The following EIF2S3 variants were observed in gnomAD, a reference collection of about 807,000 sequenced individuals.
The protein encoded by EIF2S3 is eukaryotic translation initiation factor 2 subunit 3.
A neutral mutation model predicts 31.7 loss-of-function variants in EIF2S3; 2 were observed. The observed-to-expected ratio is 0.06, with a 90% CI of 0.03 to 0.20. The LOEUF (loss-of-function observed/expected upper bound fraction) is 0.20, where lower values mean the gene tolerates loss of function less well. Ranked by LOEUF, EIF2S3 falls within the 10% of genes least tolerant of loss-of-function variation. EIF2S3 has a pLI of 1.00. For missense variants in EIF2S3, 96 were observed against 359.3 expected (o/e 0.27, Z 5.92); for synonymous variants, 120 against 126.7 (o/e 0.95, Z 0.36).
At chrX:24,057,082 G>A (rs1236846643) in intron 2 of EIF2S3, among the ~76,000 whole-genome samples, 1 of 112,427 alleles carries the variant, frequency 8.9e-6, no homozygotes, top group African/African-American at 3.2e-5. Context: ...CCAGGCTGGA[G>A]TGCAGTGGCA....
intron 4 of EIF2S3, among the ~76,000 whole-genome samples, chrX:24,058,536 C>CTTTTTTTTTTTTTT (rs1183377998): frequency 1.2e-5 from 1 of 83,079 alleles, no homozygotes; most frequent in Admixed American, 1.4e-4. Context: ...TTTTTTCTTT[C>CTTTTTTTTTTTTTT]TTTTTTTTTT....
intron 4 of EIF2S3, 142 bp from the exon 5 acceptor site, chrX:24,059,946 C>T: frequency 1.3e-5 from 6 of 448,655 alleles, no homozygotes; most frequent in Non-Finnish European, 2.3e-5. Context: ...AACTTATTTC[C>T]AAGTTCTAGA....
rs16982877 is a variant in EIF2S3, at chrX:24,063,482, C to T, written c.638-719C>T. Among the ~76,000 whole-genome samples the T allele has an allele frequency of 6.3e-3, 700 of 111,542 alleles. 7 individuals are homozygous for T. Among genetic ancestry groups the T allele is most frequent in the African/African-American group, 0.022 (671 of 30,750 alleles). On this transcript the variant is annotated intron_variant, in intron 6 of 11. Transcript: ENST00000253039. ...TAGCTTGTTTGACGTATAATCAATACGTAGCAAATATATATGGTTGGGCGT... is the reference window on the plus strand; with the variant it reads ...TAGCTTGTTTGACGTATAATCAATATGTAGCAAATATATATGGTTGGGCGT...
At chrX:24,071,374 A>G in intron 9 of EIF2S3, among the ~76,000 whole-genome samples, 184 bp from the exon 10 acceptor site, 1 of 110,225 alleles carries the variant, frequency 9.1e-6, no homozygotes, top group East Asian at 2.8e-4. Flanking sequence ...GTATTTTAAT[A>G]GAGACAGGGT....
chrX:24,077,899 G>T lies in EIF2S3; in HGVS notation c.*1114G>T, dbSNP rs1369688654. 1 of 111,991 alleles carries T rather than the reference G, an allele frequency of 8.9e-6. No homozygotes were observed. The highest frequency in any genetic ancestry group is 3.2e-5 in the African/African-American group (1 of 30,868). 9.2% of individuals were successfully genotyped at this position (111,991 alleles called of 1,213,427 possible). On this transcript the variant is annotated 3_prime_UTR_variant, in exon 12 of 12. Transcript: ENST00000253039. Reference sequence around the variant, plus strand: ...TTTTCTTAACTGTTATATTATGATTGTGACATAGATTATACTACTACTAAT... The same window carrying T: ...TTTTCTTAACTGTTATATTATGATTTTGACATAGATTATACTACTACTAAT...
chrX:24,069,437 G>A (rs1930629634), intron 9 of EIF2S3, among the ~76,000 whole-genome samples: 1 of 107,661 alleles, frequency 9.3e-6, no homozygotes, highest in Non-Finnish European at 1.9e-5. Context: ...GGTTGGGTAT[G>A]GTGGCTCATG....
intron 8 of EIF2S3, among the ~76,000 whole-genome samples, chrX:24,067,435 G>A (rs1472034276): frequency 1.8e-5 from 2 of 108,583 alleles, no homozygotes; most frequent in African/African-American, 6.7e-5. Context: ...TAATAGACTT[G>A]TGTGGTGGGT....
intron 5 of EIF2S3, 36 bp downstream of exon 5, chrX:24,060,218 T>C: frequency 9.1e-7 from 1 of 1,095,738 alleles, no homozygotes; most frequent in Non-Finnish European, 1.3e-6. Flanking sequence ...CAAATCAATG[T>C]GGAACAAATC....
chrX:24,057,377 G>A, intron 2 of EIF2S3, 44 bp from the exon 3 acceptor site: 1 of 1,164,307 alleles, frequency 8.6e-7, no homozygotes, highest in East Asian at 3.0e-5. Context: ...TATTTGGTAT[G>A]TAATTAAATA....
In EIF2S3 at chrX:24,066,546, G is replaced by A. The variant is rs186487751; in HGVS notation, c.867+454G>A. Among the ~76,000 whole-genome samples the A allele has an allele frequency of 3.8e-4, 38 of 100,231 alleles. No individual in the cohort carries two copies. In the East Asian group the frequency reaches 9.7e-3, roughly 26 times the overall value. The allele number at this position is 100,231 out of a possible 115,157, so 87.0% of individuals were successfully genotyped here. A position where few individuals can be genotyped will look rare whatever the true frequency, so the allele number is the denominator to read the frequency against. Reference sequence around the variant, plus strand: ...TTCTTTTTTTTTTTTTTCTTGAGGCGGAGTCTTGCTGTTTCGCCCAAGCTG... The same window carrying A: ...TTCTTTTTTTTTTTTTTCTTGAGGCAGAGTCTTGCTGTTTCGCCCAAGCTG... On this transcript the variant is annotated intron_variant, in intron 8 of 11. Transcript: ENST00000253039.
chrX:24,070,439 GTT>G (rs768908773), intron 9 of EIF2S3, among the ~76,000 whole-genome samples: 67 of 50,962 alleles, frequency 1.3e-3, no homozygotes, highest in African/African-American at 5.4e-3. Context: ...ATCATATGTA[GTT>G]TTTTTTTTTT....
In EIF2S3 at chrX:24,078,516, GAAAC is replaced by G. The variant is rs1453297974; in HGVS notation, c.*1735_*1738del. Among the ~76,000 whole-genome samples the G allele has an allele frequency of 9.0e-6, 1 of 111,627 alleles. No individual in the cohort carries two copies. The highest frequency in any genetic ancestry group is 3.3e-5 in the African/African-American group (1 of 30,762). On this transcript the variant is annotated 3_prime_UTR_variant, in exon 12 of 12. Transcript: ENST00000253039. ...ATCTTTAAAAACTCCCCAGTGTTGA[GAAAC>G]AAATTTAGAGAGTTGAGAAGTAGGT... is the stretch of plus-strand genomic sequence containing the variant.
chrX:24,065,212 A>G (rs745724424), intron 7 of EIF2S3, among the ~76,000 whole-genome samples: 1 of 112,084 alleles, frequency 8.9e-6, no homozygotes, highest in Admixed American at 9.5e-5. Context: ...GAAAATGTCC[A>G]TAATCTCTCT....
chrX:24,073,335 A>G (rs1026737227), intron 11 of EIF2S3, 72 bp downstream of exon 11: 56 of 1,116,717 alleles, frequency 5.0e-5, no homozygotes, highest in South Asian at 4.3e-4. Context: ...AAAGCACACA[A>G]TCTTCCTTGA....
chrX:24,066,140 GT>G (rs1930569298), intron 8 of EIF2S3, 48 bp downstream of exon 8: 41 of 814,035 alleles, frequency 5.0e-5, no homozygotes, highest in South Asian at 6.3e-5. Context: ...TTTTTTTGTT[GT>G]TTGTTTGTTT....
At chrX:24,064,389 A>G (rs952645657) in intron 7 of EIF2S3, 54 bp downstream of exon 7, 3 of 1,096,845 alleles carry the variant, frequency 2.7e-6, no homozygotes, top group Admixed American at 3.3e-5. Context: ...CACATTGGTG[A>G]TTCCTCTTCA....
At position 24,071,715 on chromosome X, in the gene EIF2S3, G is replaced by A. The variant is rs748041548; in HGVS notation, c.1170G>A (p.Lys390=). 1.7e-6 allele frequency: 2 copies of A among 1,209,540 alleles called. No individual in the cohort carries two copies. The highest frequency in any genetic ancestry group is 2.2e-6 in the Non-Finnish European group (2 of 894,736). The change falls in exon 10 of 12, where the codon AAG becomes AAA. Residue 390 remains lysine (K), a synonymous_variant. Coordinates refer to ENST00000253039, the MANE Select transcript of EIF2S3 (RefSeq NM_001415.4). ...TAGGTGTACGCACTGAAGGAGACAA[G>A]AAAGCAGCAAAGGTAAATGCTTTTT... is the stretch of plus-strand genomic sequence containing the variant. ...RLLGVRTEGD[K]KAAKVQKLSK...
intron 8 of EIF2S3, 79 bp from the exon 9 acceptor site, chrX:24,067,885 G>A (rs1569279610): frequency 1.9e-6 from 2 of 1,070,746 alleles, no homozygotes; most frequent in Non-Finnish European, 2.5e-6. Flanking sequence ...ACCGCACCCA[G>A]TCCCTGTTGG....
intron 9 of EIF2S3, among the ~76,000 whole-genome samples, chrX:24,068,900 T>A (rs1930618964): frequency 1.8e-5 from 2 of 111,801 alleles, no homozygotes; most frequent in African/African-American, 6.5e-5. Flanking sequence ...TCTAGTCCCT[T>A]ACAACTTAGT....
Sources: gnomAD v4.1 joint callset for allele counts (sites outside exome capture counted in the v4.1 genomes callset) on GRCh38, gnomAD v4.1.1 for gene constraint, MANE v1.5 for transcripts, NCBI Gene and HGNC (gene_info 2026-07-23, HGNC 2026-07-21) for gene names.